The following PI4KB variants were observed in gnomAD, a reference collection of about 807,000 sequenced individuals.
PI4KB encodes phosphatidylinositol 4-kinase beta.
PI4KB carries 23 observed loss-of-function variants against 81.4 expected under a neutral mutation model. The ratio of observed to expected loss-of-function variants is 0.28; its 90% CI spans 0.20 to 0.40. The LOEUF (loss-of-function observed/expected upper bound fraction) is 0.40, where lower values mean the gene tolerates loss of function less well. Ranked by LOEUF, PI4KB falls within the 10% of genes least tolerant of loss-of-function variation. The pLI is 1.00. For missense variants in PI4KB, 651 were observed against 1,036.6 expected (o/e 0.63, Z 5.11); for synonymous variants, 381 against 406.8 (o/e 0.94, Z 0.76).
At chr1:151,302,712 G>A (rs992638333) in intron 6 of PI4KB, among the ~76,000 whole-genome samples, 8 of 150,686 alleles carry the variant, frequency 5.3e-5, no homozygotes, top group African/African-American at 2.0e-4. Flanking sequence ...CGAGTAGCTG[G>A]GACTACAGGC....
Position 151,307,804 on chromosome 1 carries a change from A to G in PI4KB, c.955-3T>C, listed in dbSNP as rs1695907857. On this transcript the variant is annotated splice_region_variant and splice_polypyrimidine_tract_variant and intron_variant, in intron 3 of 11. Coordinates refer to ENST00000368873, the MANE Select transcript of PI4KB (RefSeq NM_001369623.2). ...CTCTCAGGAGCCAGTCGAACAGGCTACAGGGGTTTGGGGTAAGACAAAAGA... is the reference window on the plus strand; with the variant it reads ...CTCTCAGGAGCCAGTCGAACAGGCTGCAGGGGTTTGGGGTAAGACAAAAGA... 5 of 1,608,668 alleles carry G rather than the reference A, an allele frequency of 3.1e-6. No individual in the cohort carries two copies. The highest frequency in any genetic ancestry group is 1.3e-5 in the African/African-American group (1 of 74,814).
intron 11 of PI4KB, 115 bp from the exon 12 acceptor site, chr1:151,293,148 C>G: frequency 6.6e-7 from 1 of 1,517,604 alleles, no homozygotes; most frequent in Non-Finnish European, 8.8e-7. Context: ...CACCTCAGGT[C>G]CTTGATGATG....
At position 151,316,374 on chromosome 1, in the gene PI4KB, C is replaced by T. The variant is rs1346006484; in HGVS notation, c.108G>A (p.Gly36=). ...GGSLLSVITE[G]VGELSVIDPE... Reference sequence around the variant, plus strand: ...GGTCAATCACTGATAGTTCCCCGACCCCCTCCGTGATGACACTTAGCAGGG... The same window carrying T: ...GGTCAATCACTGATAGTTCCCCGACTCCCTCCGTGATGACACTTAGCAGGG... The change falls in exon 2 of 12, where the codon GGG becomes GGA. Residue 36 remains glycine (G), a synonymous_variant. Coordinates refer to ENST00000368873, the MANE Select transcript of PI4KB (RefSeq NM_001369623.2). The T allele has an allele frequency of 5.0e-6, 8 of 1,608,528 alleles. No individual in the cohort carries two copies. The highest frequency in any genetic ancestry group is 5.9e-6 in the Non-Finnish European group (7 of 1,177,126).
intron 2 of PI4KB, among the ~76,000 whole-genome samples, chr1:151,311,428 A>T (rs1030677463): frequency 2.0e-5 from 3 of 152,346 alleles, no homozygotes; most frequent in Middle Eastern, 3.4e-3. Context: ...TGGAGGTCCT[A>T]TAGTCAGGTC....
At chr1:151,314,496 T>C (rs1008888978) in intron 2 of PI4KB, among the ~76,000 whole-genome samples, 4 of 152,186 alleles carry the variant, frequency 2.6e-5, no homozygotes, top group Non-Finnish European at 4.4e-5. Flanking sequence ...CTGCTCTATA[T>C]CCTAAGTTAT....
rs200172247 is a variant in PI4KB at position 151,326,155 on chromosome 1, G to A, written c.-29+1116C>T. ...ACAAAAGCCTAAAATTAAATAATCT[G>A]AAACAAGTTTTCTCACAATCTCATT... is the stretch of plus-strand genomic sequence containing the variant. On this transcript the variant is annotated intron_variant, in intron 1 of 11. Transcript: ENST00000368873. 409 of 1,612,716 alleles carry A rather than the reference G, an allele frequency of 2.5e-4. 4 individuals carry two copies. The Admixed American group carries it at 6.4e-3, about 25-fold the overall frequency.
intron 4 of PI4KB, chr1:151,306,579 T>C: frequency 1.7e-6 from 1 of 574,236 alleles, no homozygotes; most frequent in Non-Finnish European, 3.1e-6. Flanking sequence ...GTCTTCAAAA[T>C]ATTTCAACTG....
Position 151,327,383 on chromosome 1 carries a change from A to T in PI4KB, c.-141T>A, listed in dbSNP as rs1649816323. 2.5e-6 allele frequency: 1 copy of T among 395,886 alleles called. No individual in the cohort carries two copies. Among genetic ancestry groups the T allele is most frequent in the Non-Finnish European group, 4.4e-6 (1 of 225,590 alleles). 24.5% of individuals were successfully genotyped at this position (395,886 alleles called of 1,614,324 possible). A position where few individuals can be genotyped will look rare whatever the true frequency, so the allele number is the denominator to read the frequency against. On this transcript the variant is annotated 5_prime_UTR_variant, in exon 1 of 12. Transcript: ENST00000368873. ...TCCATTGGCCGCCTGCGCTTCCCTG[A>T]CAGCGGCCGCGGAGGCTGCACCAGG...
chr1:151,298,620 T>C, intron 9 of PI4KB, 188 bp downstream of exon 9: 1 of 685,266 alleles, frequency 1.5e-6, no homozygotes, highest in Non-Finnish European at 2.5e-6. Context: ...TTTGCCCTTT[T>C]ACCCTAGTTC....
intron 11 of PI4KB, 145 bp from the exon 12 acceptor site, chr1:151,293,178 G>T: frequency 6.8e-7 from 1 of 1,476,144 alleles, no homozygotes. Flanking sequence ...TTCTGCTTGG[G>T]CAGAGAGAAG....
rs587765480 is a variant in PI4KB at position 151,315,582 on chromosome 1, A to G, written c.900T>C (p.Asn300=). ...CTCCCCAGAATTTTACCTCATCCTC[A>G]TTCTCCACTTTAGGGTTGCTGGCTG... ...KRTASNPKVE[N]EDEELSSSTE... is the part of the protein sequence containing the mutation. The change falls in exon 2 of 12, where the codon AAT becomes AAC. Residue 300 remains asparagine (N), a synonymous_variant. Coordinates refer to ENST00000368873, the MANE Select transcript of PI4KB (RefSeq NM_001369623.2). The G allele has an allele frequency of 6.2e-7, 1 of 1,613,230 alleles. No individual in the cohort carries two copies. Among genetic ancestry groups the G allele is most frequent in the African/African-American group, 1.3e-5 (1 of 74,864 alleles).
chr1:151,299,897 G>A (rs1695117608), intron 8 of PI4KB, among the ~76,000 whole-genome samples: 1 of 152,068 alleles, frequency 6.6e-6, no homozygotes, highest in African/African-American at 2.4e-5. Flanking sequence ...TTTTTTAAAG[G>A]GGGGAGGACC....
chr1:151,298,759 C>T (rs1232122252), intron 9 of PI4KB, 49 bp downstream of exon 9: 1 of 1,585,762 alleles, frequency 6.3e-7, no homozygotes, highest in Non-Finnish European at 8.6e-7. Flanking sequence ...CACGAAGGGA[C>T]AGAGAGAACC....
rs202221345 is a variant in PI4KB at position 151,294,128 on chromosome 1, C to T, written c.2159G>A (p.Gly720Asp). ...LTTEFVDVMG[G>D]LDGDMFNYYK... ...GTAGTTGAACATGTCGCCATCCAGG[C>T]CGCCCATCACCTGGAAAGGGAAGAG... Residue 720 changes from glycine to aspartate, a missense_variant, in exon 11 of 12, where the codon GGC (glycine) becomes GAC (aspartate). By Grantham distance (94) the Gly-to-Asp change is moderately conservative (BLOSUM62 -1). Around this residue, in one of 5 missense-constraint regions of PI4KB, gnomAD observed 70 missense variants for 108.1 expected, o/e 0.65. Transcript: ENST00000368873. The T allele has an allele frequency of 9.9e-6, 16 of 1,613,038 alleles. No homozygotes were observed. The East Asian group carries it at 3.6e-4, about 36-fold the overall frequency.
intron 8 of PI4KB, among the ~76,000 whole-genome samples, chr1:151,300,182 A>C (rs966005951): frequency 2.6e-5 from 4 of 152,248 alleles, no homozygotes; most frequent in African/African-American, 9.6e-5. Flanking sequence ...TATTTCTTGA[A>C]AAAATCTCAG....
At position 151,310,225 on chromosome 1, in the gene PI4KB, T is replaced by G. The variant is rs773714401; in HGVS notation, c.940A>C (p.Asn314His). 4 of 1,608,120 alleles carry G rather than the reference T, an allele frequency of 2.5e-6. No homozygotes were observed. Among genetic ancestry groups the G allele is most frequent in the African/African-American group, 2.7e-5 (2 of 74,330 alleles). Residue 314 changes from asparagine to histidine, a missense_variant, in exon 3 of 12, where the codon AAT becomes CAT. Physicochemically the swap from Asn to His is moderately conservative, Grantham distance 68. Coordinates refer to ENST00000368873, the MANE Select transcript of PI4KB (RefSeq NM_001369623.2). Reference protein sequence around the residue: ...ELSSSTESIDNSFSSPVRLAP... With the variant: ...ELSSSTESIDHSFSSPVRLAP... ...GCCCCACTTACGGAACTGAATGAATTATCAATACTCTCGGTGCTGGAGGAG... is the reference window on the plus strand; with the variant it reads ...GCCCCACTTACGGAACTGAATGAATGATCAATACTCTCGGTGCTGGAGGAG...
In PI4KB at chr1:151,292,558, A is replaced by G. The variant is rs1171996744; in HGVS notation, c.*294T>C. ...GAGAAGAAAGGCCCCAGTGTCCCTC[A>G]CATTTGTCACCTCTGTTTTCTGGAG... On this transcript the variant is annotated 3_prime_UTR_variant, in exon 12 of 12. Transcript: ENST00000368873. The G allele has an allele frequency of 8.3e-6, 3 of 363,012 alleles. No individual in the cohort carries two copies. The highest frequency in any genetic ancestry group is 6.3e-5 in the African/African-American group (3 of 47,680). 22.5% of individuals were successfully genotyped at this position (363,012 alleles called of 1,614,324 possible). A position where few individuals can be genotyped will look rare whatever the true frequency, so the allele number is the denominator to read the frequency against.
intron 1 of PI4KB, among the ~76,000 whole-genome samples, chr1:151,321,130 A>G (rs780734073): frequency 9.9e-5 from 15 of 152,176 alleles, no homozygotes; most frequent in Non-Finnish European, 1.9e-4. Context: ...TTTGCTACTG[A>G]ACAGACTCTC....
At chr1:151,320,931 C>T (rs1434581150) in intron 1 of PI4KB, among the ~76,000 whole-genome samples, 1 of 152,230 alleles carries the variant, frequency 6.6e-6, no homozygotes, top group Non-Finnish European at 1.5e-5. Context: ...ACAGTTCAGA[C>T]ATTCTCCCAC....
Sources: allele counts gnomAD v4.1 joint callset (sites outside exome capture counted in the v4.1 genomes callset), GRCh38; gene constraint gnomAD v4.1.1; regional missense constraint gnomAD v4.1.1; transcripts MANE v1.5; gene names NCBI Gene and HGNC (gene_info 2026-07-23, HGNC 2026-07-21).